HECTD4: variants seen among roughly 807,000 people sequenced by gnomAD.
HECTD4 encodes HECT domain E3 ubiquitin protein ligase 4.
A neutral mutation model predicts 471.5 loss-of-function variants in HECTD4; 114 were observed. The ratio of observed to expected loss-of-function variants is 0.24; its 90% CI spans 0.21 to 0.28. The LOEUF (loss-of-function observed/expected upper bound fraction) is 0.28, where lower values mean the gene tolerates loss of function less well. Ranked by LOEUF, HECTD4 falls within the 10% of genes least tolerant of loss-of-function variation. The probability of loss-of-function intolerance (pLI) is 1.00; values close to 1 mark genes in which losing one functional copy is unlikely to be tolerated. For synonymous variants in HECTD4, 2,012 were observed against 2,256.0 expected, an observed-to-expected ratio of 0.89 and a Z score of 3.07; for missense variants, 3,866 against 5,651.5, an observed-to-expected ratio of 0.68 and a Z score of 10.13.
intron 68 of HECTD4, 153 bp from the exon 69 acceptor site, chr12:112,170,605 A>G (rs2031177142): frequency 1.1e-6 from 1 of 905,726 alleles, no homozygotes; most frequent in Admixed American, 2.3e-5. Flanking sequence ...GTGTGTCAGC[A>G]TCCGCCCAGC....
Position 112,178,920 on chromosome 12 carries a change from G to T in HECTD4, c.11363+11C>A. 1 of 1,600,000 alleles carries T rather than the reference G, an allele frequency of 6.3e-7. No homozygotes were observed. Among genetic ancestry groups the T allele is most frequent in the Non-Finnish European group, 8.5e-7 (1 of 1,172,160 alleles). On this transcript the variant is annotated intron_variant, in intron 64 of 75. Coordinates refer to ENST00000682272, the MANE Select transcript of HECTD4 (RefSeq NM_001388303.1). ...ACAGGCTGGGCTGCCCAGGCTCCTT[G>T]GGGCACGCACCTGACGCTGTTGAGC...
chr12:112,207,288 C>T (rs1324061056), intron 52 of HECTD4, among the ~76,000 whole-genome samples: 3 of 152,152 alleles, frequency 2.0e-5, no homozygotes, highest in African/African-American at 7.2e-5. Context: ...GGACTACAGG[C>T]GTGTGCCACC....
rs761043078 is a variant in HECTD4, at chr12:112,226,686, T to C, written c.6927A>G (p.Ala2309=). Residue 2309 remains alanine (A), a synonymous_variant, in exon 44 of 76, where the codon GCA becomes GCG. Transcript: ENST00000682272. ...CTACTAGGTTAAGAACTTCAACAGCTGCTGGACATTGTTGTATGAATTCTT... is the reference window on the plus strand; with the variant it reads ...CTACTAGGTTAAGAACTTCAACAGCCGCTGGACATTGTTGTATGAATTCTT... ...FCEEFIQQCP[A]AVEVLNLVAQ... is the part of the protein sequence containing the mutation. The C allele has an allele frequency of 6.2e-7, 1 of 1,613,298 alleles. No individual in the cohort carries two copies. Among genetic ancestry groups the C allele is most frequent in the South Asian group, 1.1e-5 (1 of 90,994 alleles).
chr12:112,198,353 C>T lies in HECTD4; in HGVS notation c.8567+2285G>A, dbSNP rs144950050. Among the ~76,000 whole-genome samples, 10 of 152,338 alleles carry T rather than the reference C, an allele frequency of 6.6e-5. No homozygotes were observed. In the East Asian group the frequency reaches 1.7e-3, roughly 26 times the overall value. ...CTGGGCCATCCCTAAGGAAGCAACA[C>T]ACTAGCTGTGTGAGCACCACAGAGG... On this transcript the variant is annotated intron_variant, in intron 55 of 75. Coordinates refer to ENST00000682272, the MANE Select transcript of HECTD4 (RefSeq NM_001388303.1).
intron 1 of HECTD4, among the ~76,000 whole-genome samples, chr12:112,378,308 T>G (rs576571054): frequency 2.0e-5 from 3 of 152,112 alleles, no homozygotes; most frequent in South Asian, 2.1e-4. Flanking sequence ...AAGCTCCGCC[T>G]CCCGGGTTCA....
rs1566132268 is a variant in HECTD4 at position 112,382,357 on chromosome 12, C to T, written c.-229G>A. ...CCGCCGCCGCCGCCGCCGCCGCCGC[C>T]GCCCTCAGGAGCAGGATCCGCCTCT... On this transcript the variant is annotated 5_prime_UTR_variant, in exon 1 of 76. Transcript: ENST00000682272. The T allele has an allele frequency of 1.0e-5, 4 of 398,106 alleles. No individual in the cohort carries two copies. The highest frequency in any genetic ancestry group is 4.5e-5 in the Admixed American group (1 of 22,214). 24.7% of individuals were successfully genotyped at this position (398,106 alleles called of 1,614,324 possible). A position where few individuals can be genotyped will look rare whatever the true frequency, so the allele number is the denominator to read the frequency against.
At chr12:112,352,299 A>C (rs1238322220) in intron 1 of HECTD4, among the ~76,000 whole-genome samples, 1 of 151,114 alleles carries the variant, frequency 6.6e-6, no homozygotes, top group African/African-American at 2.4e-5. Context: ...GTCTCATCCC[A>C]GTCTGGTTAC....
chr12:112,231,422 G>A (rs2033376322), intron 39 of HECTD4, 91 bp downstream of exon 39: 4 of 1,252,754 alleles, frequency 3.2e-6, no homozygotes, highest in Non-Finnish European at 4.7e-6. Context: ...AGAGGTCAAG[G>A]GGATGGTAGA....
At chr12:112,308,653 G>A in intron 6 of HECTD4, 100 bp downstream of exon 6, 1 of 1,133,792 alleles carries the variant, frequency 8.8e-7, no homozygotes, top group Non-Finnish European at 1.2e-6. Context: ...CACTCTGGGA[G>A]GAAAATATAT....
chr12:112,191,879 GTTC>G (rs1263408766), intron 59 of HECTD4, among the ~76,000 whole-genome samples: 3 of 152,186 alleles, frequency 2.0e-5, no homozygotes, highest in African/African-American at 7.2e-5. Context: ...TTGGCTAAAA[GTTC>G]ACATGTTTTC....
intron 1 of HECTD4, among the ~76,000 whole-genome samples, chr12:112,324,542 A>G (rs913590040): frequency 6.6e-6 from 1 of 152,078 alleles, no homozygotes; most frequent in African/African-American, 2.4e-5. Context: ...AACACACATT[A>G]CCTTTTTATT....
intron 17 of HECTD4, among the ~76,000 whole-genome samples, chr12:112,262,884 T>C (rs1332177445): frequency 2.0e-5 from 3 of 152,208 alleles, no homozygotes; most frequent in Non-Finnish European, 4.4e-5. Context: ...CCCAAAGTGC[T>C]GGGATTACAG....
chr12:112,203,661 T>C lies in HECTD4; in HGVS notation c.8381A>G (p.His2794Arg). The change falls in exon 54 of 76, where the codon CAT (histidine) becomes CGT (arginine). Residue 2794 changes from histidine to arginine, a missense_variant. His to Arg is a conservative substitution (Grantham distance 29). Coordinates refer to ENST00000682272, the MANE Select transcript of HECTD4 (RefSeq NM_001388303.1). ...TGAATCAACATCTAAGACGACTCCA[T>C]GAAGCCCAAAGGTTTTCAGCATCCC... The part of the protein sequence containing the change: ...IRGMLKTFGL[H>R]GVVLDVDSVN... 1 of 1,613,618 alleles carries C rather than the reference T, an allele frequency of 6.2e-7. No homozygotes were observed. Among genetic ancestry groups the C allele is most frequent in the South Asian group, 1.1e-5 (1 of 90,972 alleles).
intron 40 of HECTD4, 145 bp from the exon 41 acceptor site, chr12:112,230,025 G>A (rs1593955042): frequency 1.5e-6 from 1 of 670,920 alleles, no homozygotes. Context: ...TATCAGGTAT[G>A]GCCAATGACA....
chr12:112,377,282 A>C (rs1177413383), intron 1 of HECTD4, among the ~76,000 whole-genome samples: 1 of 152,060 alleles, frequency 6.6e-6, no homozygotes, highest in African/African-American at 2.4e-5. Flanking sequence ...TAAAAAAAAA[A>C]AATAAAACAA....
chr12:112,333,324 A>G (rs976870149), intron 1 of HECTD4, among the ~76,000 whole-genome samples: 1 of 152,212 alleles, frequency 6.6e-6, no homozygotes, highest in Non-Finnish European at 1.5e-5. Flanking sequence ...CTAGCAACAC[A>G]TGAGGATTTT....
chr12:112,239,957 C>T lies in HECTD4; in HGVS notation c.5029G>A (p.Val1677Ile), dbSNP rs561468217. Residue 1677 changes from valine to isoleucine, a missense_variant, in exon 33 of 76, where the codon GTT becomes ATT. By Grantham distance (29) the Val-to-Ile change is conservative. This residue lies in a region of HECTD4 where 229 missense variants were observed against 386.4 expected (regional missense o/e 0.59). Transcript: ENST00000682272. The surrounding 1 kb of genome is among the most constrained non-coding windows in gnomAD (Gnocchi z 4.9). Reference protein sequence around the residue: ...QEAFGETMTSVVSLCARYPIA... With the variant: ...QEAFGETMTSIVSLCARYPIA... The stretch of plus-strand genomic sequence containing the variant: ...GGGTAACGAGCACACAGAGACACAA[C>T]AGAGGTCATGGTCTCGCCAAAGGCT... The T allele has an allele frequency of 2.5e-6, 4 of 1,613,988 alleles. No homozygotes were observed. The South Asian group carries it at 4.4e-5, about 18-fold the overall frequency.
intron 62 of HECTD4, among the ~76,000 whole-genome samples, chr12:112,182,474 G>A (rs2031712638): frequency 6.6e-6 from 1 of 151,908 alleles, no homozygotes; most frequent in Non-Finnish European, 1.5e-5. Flanking sequence ...ATGGGACTTC[G>A]GAGAAAAAAG....
intron 1 of HECTD4, among the ~76,000 whole-genome samples, chr12:112,373,942 TG>T (rs2036730986): frequency 6.7e-6 from 1 of 150,080 alleles, no homozygotes; most frequent in African/African-American, 2.5e-5. Context: ...AGGCGAAGGT[TG>T]CAGTGAGCTG....
Sources: gnomAD v4.1 joint callset for allele counts (sites outside exome capture counted in the v4.1 genomes callset) on GRCh38, gnomAD v4.1.1 for gene constraint, gnomAD v4.1.1 regional missense constraint, Gnocchi (gnomAD v3.1) non-coding constraint, MANE v1.5 for transcripts, NCBI Gene and HGNC (gene_info 2026-07-23, HGNC 2026-07-21) for gene names.